GRXCR2: variants seen among roughly 807,000 people sequenced by gnomAD.
GRXCR2 encodes glutaredoxin domain-containing cysteine-rich protein 2.
GRXCR2 carries 23 observed loss-of-function variants against 24.8 expected under a neutral mutation model. The ratio of observed to expected loss-of-function variants is 0.93; its 90% CI spans 0.67 to 1.32. The LOEUF is 1.32. GRXCR2 is among the 40% of genes most tolerant of loss of function. The pLI is 0.00. For synonymous variants in GRXCR2, 130 were observed against 116.1 expected (o/e 1.12, Z -0.77); for missense variants, 315 against 303.4 (o/e 1.04, Z -0.28).
chr5:145,864,261 G>A (rs991427458), intron 2 of GRXCR2, among the ~76,000 whole-genome samples: 6 of 152,106 alleles, frequency 3.9e-5, no homozygotes, highest in Non-Finnish European at 7.4e-5. Context: ...TAATATATGA[G>A]GGATGGAGAT....
At chr5:145,893,619 C>T (rs1443499706) in intron 2 of GRXCR2, among the ~76,000 whole-genome samples, 1 of 152,008 alleles carries the variant, frequency 6.6e-6, no homozygotes, top group African/African-American at 2.4e-5. Context: ...ACAGGAGCAC[C>T]CAGATTCATA....
chr5:145,909,102 A>G (rs1757128218), intron 2 of GRXCR2, among the ~76,000 whole-genome samples: 1 of 152,190 alleles, frequency 6.6e-6, no homozygotes, highest in African/African-American at 2.4e-5. Context: ...GGACATTATC[A>G]AAAAAATAAA....
At chr5:145,921,699 C>A (rs964689246) in intron 2 of GRXCR2, among the ~76,000 whole-genome samples, 1 of 152,156 alleles carries the variant, frequency 6.6e-6, no homozygotes, top group African/African-American at 2.4e-5. Context: ...AAAATACATA[C>A]ACACCCTTGA....
At chr5:145,922,298 T>C (rs1355111425) in intron 2 of GRXCR2, among the ~76,000 whole-genome samples, 1 of 152,184 alleles carries the variant, frequency 6.6e-6, no homozygotes, top group Non-Finnish European at 1.5e-5. Context: ...TCCCTTTCTT[T>C]ACCAAGCTGA....
At chr5:145,907,720 GAAGA>G (rs1321208598) in intron 2 of GRXCR2, among the ~76,000 whole-genome samples, 1 of 152,110 alleles carries the variant, frequency 6.6e-6, no homozygotes, top group African/African-American at 2.4e-5. Context: ...CGGGGTCCTG[GAAGA>G]AAGAGAGAAG....
chr5:145,886,519 T>C (rs951017908), intron 2 of GRXCR2, among the ~76,000 whole-genome samples: 6 of 152,148 alleles, frequency 3.9e-5, no homozygotes, highest in Non-Finnish European at 8.8e-5. Flanking sequence ...TATTCTACTA[T>C]TCAAAAACCC....
rs1756301448 is a variant in GRXCR2, at chr5:145,859,832, G to A, written c.648C>T (p.Phe216=). ...ATCSLCHGSK[F]SMLANRFKES... ...CCTTAAATCTGTTGGCCAGCATCGAGAACTTGCTGCCGTGGCACAGAGAGC... is the reference window on the plus strand; with the variant it reads ...CCTTAAATCTGTTGGCCAGCATCGAAAACTTGCTGCCGTGGCACAGAGAGC... The change falls in exon 3 of 3, where the codon TTC becomes TTT. Residue 216 remains phenylalanine, a synonymous_variant. Coordinates refer to ENST00000377976, the MANE Select transcript of GRXCR2 (RefSeq NM_001080516.2). The A allele has an allele frequency of 6.2e-7, 1 of 1,613,572 alleles. No individual in the cohort carries two copies. The highest frequency in any genetic ancestry group is 1.3e-5 in the African/African-American group (1 of 74,916).
intron 2 of GRXCR2, among the ~76,000 whole-genome samples, chr5:145,923,822 T>G (rs1020497564): frequency 7.2e-5 from 11 of 152,168 alleles, no homozygotes; most frequent in Non-Finnish European, 1.0e-4. Context: ...ATGATTACCT[T>G]ATAGTATATA....
chr5:145,877,924 C>T (rs1756643853), upstream of GRXCR2, among the ~76,000 whole-genome samples: 1 of 152,242 alleles, frequency 6.6e-6, no homozygotes, highest in Non-Finnish European at 1.5e-5. Flanking sequence ...GGACCTCCAG[C>T]AAACTCCAAC....
chr5:145,867,807 A>G (rs1179165253), intron 1 of GRXCR2, among the ~76,000 whole-genome samples: 1 of 152,214 alleles, frequency 6.6e-6, no homozygotes, highest in Non-Finnish European at 1.5e-5. Context: ...GCTGATATCC[A>G]GCTGGTAGGC....
At chr5:145,899,302 AAATCAATATC>A (rs1384764420) in intron 2 of GRXCR2, among the ~76,000 whole-genome samples, 1 of 152,148 alleles carries the variant, frequency 6.6e-6, no homozygotes, top group Non-Finnish European at 1.5e-5. Flanking sequence ...TGGATTGAAA[AAATCAATATC>A]ACTAAAACAA....
intron 2 of GRXCR2, among the ~76,000 whole-genome samples, chr5:145,865,936 G>T (rs554341040): frequency 6.6e-6 from 1 of 151,800 alleles, no homozygotes; most frequent in African/African-American, 2.4e-5. Flanking sequence ...ACAGGAGTTC[G>T]GGACCAGCCT....
intron 2 of GRXCR2, among the ~76,000 whole-genome samples, chr5:145,883,170 A>C (rs1756727243): frequency 6.6e-6 from 1 of 152,126 alleles, no homozygotes; most frequent in South Asian, 2.1e-4. Flanking sequence ...TTAAAGTATA[A>C]TTAAAAAAAA....
rs201617709 is a variant in GRXCR2 at position 145,868,172 on chromosome 5, T to G, written c.337-1444A>C. On this transcript the variant is annotated intron_variant, in intron 1 of 2. Coordinates refer to ENST00000377976, the MANE Select transcript of GRXCR2 (RefSeq NM_001080516.2). The stretch of plus-strand genomic sequence containing the variant: ...GTTGATTGTCACAATCTGCACAATA[T>G]GCAGATTGTGAGAACTGTTGCCATT... Among the ~76,000 whole-genome samples, 4 of 152,166 alleles carry G rather than the reference T, an allele frequency of 2.6e-5. No individual in the cohort carries two copies. In the East Asian group the frequency reaches 5.8e-4, roughly 22 times the overall value.
chr5:145,866,511 C>T lies in GRXCR2; in HGVS notation c.554G>A (p.Arg185Gln), dbSNP rs372401844. 88 of 1,612,918 alleles carry T rather than the reference C, an allele frequency of 5.5e-5. No individual in the cohort carries two copies. The highest frequency in any genetic ancestry group is 7.2e-5 in the Non-Finnish European group (85 of 1,179,062). The change falls in exon 2 of 3, where the codon CGG (arginine) becomes CAG (glutamine). Residue 185 changes from arginine to glutamine, a missense_variant. Coordinates refer to ENST00000377976, the MANE Select transcript of GRXCR2 (RefSeq NM_001080516.2). ...AGCTCCCCAACGCACCTGTGTATAC[C>T]GGTTTTGGGGTAATGTGCTTTCTGC... ...VEAESTLPQN[R>Q]YTQEGDIPED...
At chr5:145,905,407 G>A (rs1160083815) in intron 2 of GRXCR2, among the ~76,000 whole-genome samples, 2 of 152,216 alleles carry the variant, frequency 1.3e-5, no homozygotes, top group East Asian at 3.8e-4. Context: ...GACGAAGAGA[G>A]AAACTGTAAG....
At chr5:145,891,836 T>G (rs1453018252) in intron 2 of GRXCR2, among the ~76,000 whole-genome samples, 1 of 152,148 alleles carries the variant, frequency 6.6e-6, no homozygotes, top group African/African-American at 2.4e-5. Context: ...GACTGCCTCC[T>G]CAAGTTGGTC....
At chr5:145,861,283 C>T (rs998106749) in intron 2 of GRXCR2, among the ~76,000 whole-genome samples, 1 of 152,162 alleles carries the variant, frequency 6.6e-6, no homozygotes, top group Non-Finnish European at 1.5e-5. Context: ...AATCAGGAAA[C>T]CTTTTTAATG....
chr5:145,871,834 T>C (rs1756536014), intron 1 of GRXCR2, among the ~76,000 whole-genome samples: 1 of 152,200 alleles, frequency 6.6e-6, no homozygotes, highest in South Asian at 2.1e-4. Context: ...ATAACGTGGA[T>C]ACATTATATA....
Sources: gnomAD v4.1 joint callset for allele counts (sites outside exome capture counted in the v4.1 genomes callset) on GRCh38, gnomAD v4.1.1 for gene constraint, MANE v1.5 for transcripts, NCBI Gene and HGNC (gene_info 2026-07-23, HGNC 2026-07-21) for gene names.